CTNND2: variants seen among roughly 807,000 people sequenced by gnomAD.
The protein encoded by CTNND2 is catenin delta 2.
Under a neutral mutation model 144.4 loss-of-function variants are expected in CTNND2, and 22 were observed. The observed-to-expected ratio is 0.15, with a 90% confidence interval of 0.11 to 0.22. The LOEUF (loss-of-function observed/expected upper bound fraction) is 0.22, where lower values mean the gene tolerates loss of function less well. Ranked by LOEUF, CTNND2 falls within the 10% of genes least tolerant of loss-of-function variation. The pLI is 1.00. For missense variants in CTNND2, 1,353 were observed against 1,618.8 expected (o/e 0.84, Z 2.82); for synonymous variants, 751 against 695.6 (o/e 1.08, Z -1.25).
chr5:11,266,020 A>AT (rs888071771), intron 9 of CTNND2, among the ~76,000 whole-genome samples: 3 of 151,986 alleles, frequency 2.0e-5, no homozygotes, highest in Non-Finnish European at 4.4e-5. Flanking sequence ...ATCTCTTTCT[A>AT]TTTTTTAAAG....
chr5:11,206,244 A>G (rs1467180044), intron 10 of CTNND2, among the ~76,000 whole-genome samples: 1 of 152,198 alleles, frequency 6.6e-6, no homozygotes, highest in Non-Finnish European at 1.5e-5. Context: ...CTGTGAGACG[A>G]GCAGTGAAGT....
chr5:11,019,846 T>C (rs1326163194), intron 17 of CTNND2, among the ~76,000 whole-genome samples: 2 of 152,180 alleles, frequency 1.3e-5, no homozygotes, highest in African/African-American at 4.8e-5. Flanking sequence ...CTACTTCCCA[T>C]ATAACTGTTA....
intron 15 of CTNND2, among the ~76,000 whole-genome samples, chr5:11,089,628 G>A (rs1750553646): frequency 4.6e-5 from 7 of 152,122 alleles, no homozygotes; most frequent in Admixed American, 4.6e-4. Context: ...GCACAGAGGG[G>A]AACTATGCAA....
intron 3 of CTNND2, among the ~76,000 whole-genome samples, chr5:11,474,241 A>C (rs1431427294): frequency 6.6e-6 from 1 of 152,260 alleles, no homozygotes; most frequent in Non-Finnish European, 1.5e-5. Flanking sequence ...TTATTTATTT[A>C]ACAATTTAAC....
intron 1 of CTNND2, among the ~76,000 whole-genome samples, chr5:11,861,436 C>A (rs73048738): frequency 0.032 from 4,858 of 152,252 alleles, 240 homozygotes; most frequent in African/African-American, 0.1. Context: ...AACTGGGAGT[C>A]ATCTTTTATC....
chr5:11,314,253 T>C (rs539332255), intron 9 of CTNND2, among the ~76,000 whole-genome samples: 2 of 152,286 alleles, frequency 1.3e-5, no homozygotes, highest in East Asian at 3.9e-4. Flanking sequence ...TGCTTGATCA[T>C]TTCTCGTTCT....
intron 8 of CTNND2, among the ~76,000 whole-genome samples, chr5:11,356,322 A>G (rs1341018283): frequency 6.6e-6 from 1 of 152,160 alleles, no homozygotes; most frequent in African/African-American, 2.4e-5. Context: ...ACAGTAACCA[A>G]AACAGCACAG....
At chr5:11,637,497 G>T (rs1320541934) in intron 2 of CTNND2, among the ~76,000 whole-genome samples, 1 of 151,860 alleles carries the variant, frequency 6.6e-6, no homozygotes, top group Non-Finnish European at 1.5e-5. Context: ...ATATGACAAA[G>T]TTACTTTTTT....
intron 2 of CTNND2, among the ~76,000 whole-genome samples, chr5:11,637,647 T>C (rs1252869942): frequency 6.6e-6 from 1 of 152,216 alleles, no homozygotes; most frequent in African/African-American, 2.4e-5. Flanking sequence ...AATAATGACA[T>C]TTATATTTTA....
intron 16 of CTNND2, among the ~76,000 whole-genome samples, chr5:11,054,022 G>A (rs548243502): frequency 6.6e-6 from 1 of 152,198 alleles, no homozygotes; most frequent in Non-Finnish European, 1.5e-5. Flanking sequence ...TGGAGAAAAG[G>A]CATCATCACA....
intron 2 of CTNND2, among the ~76,000 whole-genome samples, chr5:11,586,960 A>G (rs533332714): frequency 6.6e-6 from 1 of 152,294 alleles, no homozygotes; most frequent in South Asian, 2.1e-4. Context: ...GTAAGTGTTC[A>G]AATTTAAAAT....
chr5:11,065,549 A>T (rs777393294), intron 16 of CTNND2, among the ~76,000 whole-genome samples: 1 of 152,180 alleles, frequency 6.6e-6, no homozygotes. Context: ...TTCAACAAAC[A>T]TCCTTGCCAA....
At chr5:11,286,612 A>C (rs1747780497) in intron 9 of CTNND2, among the ~76,000 whole-genome samples, 1 of 152,230 alleles carries the variant, frequency 6.6e-6, no homozygotes, top group African/African-American at 2.4e-5. Context: ...AACACGTGCT[A>C]AACTTCAGGG....
rs1579909639 is a variant in CTNND2 at position 10,973,811 on chromosome 5, T to C, written c.3418-98A>G. On this transcript the variant is annotated intron_variant, in intron 21 of 21. Transcript: ENST00000304623. This position sits in a 1 kb window ranked among gnomAD's most constrained non-coding sequence, Gnocchi z 5.6. The stretch of plus-strand genomic sequence containing the variant: ...CAACTCTCCTTCAAAGAATAGGCTG[T>C]GTATATCCAGGCATTCACCACTGTG... 7.3e-7 allele frequency: 1 copy of C among 1,367,386 alleles called. No homozygotes were observed. Among genetic ancestry groups the C allele is most frequent in the East Asian group, 2.4e-5 (1 of 42,042 alleles). The allele number at this position is 1,367,386 out of a possible 1,614,324, so 84.7% of individuals were successfully genotyped here. A position where few individuals can be genotyped will look rare whatever the true frequency, so the allele number is the denominator to read the frequency against.
intron 15 of CTNND2, among the ~76,000 whole-genome samples, chr5:11,087,685 A>C (rs976817322): frequency 7.5e-6 from 1 of 133,108 alleles, no homozygotes; most frequent in African/African-American, 2.8e-5. Flanking sequence ...CTGTTAGTAA[A>C]GAAATAAATC....
At chr5:11,062,527 A>G (rs982144319) in intron 16 of CTNND2, among the ~76,000 whole-genome samples, 1 of 152,214 alleles carries the variant, frequency 6.6e-6, no homozygotes, top group Non-Finnish European at 1.5e-5. Context: ...CAGCTCAAAA[A>G]TGGCATTTGT....
chr5:11,855,766 T>C (rs750438543), intron 1 of CTNND2, among the ~76,000 whole-genome samples: 2 of 152,186 alleles, frequency 1.3e-5, no homozygotes, highest in Non-Finnish European at 2.9e-5. Flanking sequence ...ATGTGCATTC[T>C]TAGGCCTCAC....
chr5:11,332,270 C>T (rs943667955), intron 9 of CTNND2, among the ~76,000 whole-genome samples: 7 of 141,290 alleles, frequency 5.0e-5, no homozygotes, highest in Non-Finnish European at 7.5e-5. Context: ...AGCTAAACTC[C>T]GTCTCAAAAA....
At chr5:11,209,174 G>A (rs1331926714) in intron 10 of CTNND2, among the ~76,000 whole-genome samples, 1 of 152,084 alleles carries the variant, frequency 6.6e-6, no homozygotes, top group African/African-American at 2.4e-5. Context: ...CAAAATTCAA[G>A]GGATTTTCTA....
Sources: allele counts gnomAD v4.1 joint callset (sites outside exome capture counted in the v4.1 genomes callset), GRCh38; gene constraint gnomAD v4.1.1; non-coding constraint Gnocchi (gnomAD v3.1); transcripts MANE v1.5; gene names NCBI Gene and HGNC (gene_info 2026-07-23, HGNC 2026-07-21).